Variants in FARSB observed in about 807,000 individuals in gnomAD.
FARSB encodes phenylalanyl-tRNA synthetase subunit beta.
FARSB carries 40 observed loss-of-function variants against 69.6 expected under a neutral mutation model. The ratio of observed to expected loss-of-function variants is 0.57; its 90% confidence interval spans 0.45 to 0.75. FARSB has a LOEUF of 0.75. Ranked by LOEUF, FARSB falls within the 30% of genes least tolerant of loss-of-function variation. The pLI is 0.00. For missense variants in FARSB, 632 were observed against 722.9 expected, an observed-to-expected ratio of 0.87 and a Z score of 1.44; for synonymous variants, 235 against 247.2, an observed-to-expected ratio of 0.95 and a Z score of 0.46.
rs1290503467 is a variant in FARSB, at chr2:222,566,903, T to G, written c.*4968A>C. ...AACAAAAGACTATAGGCTGGGTGGC[T>G]TCAATAAAAGAATTTTATTTCTCAC... On this transcript the variant is annotated 3_prime_UTR_variant, in exon 17 of 17. Coordinates refer to ENST00000281828, the MANE Select transcript of FARSB (RefSeq NM_005687.5). 1 of 152,234 alleles carries G rather than the reference T, an allele frequency of 6.6e-6. No individual in the cohort carries two copies. The highest frequency in any genetic ancestry group is 1.5e-5 in the Non-Finnish European group (1 of 68,056). The allele number at this position is 152,234 out of a possible 1,614,324, so 9.4% of individuals were successfully genotyped here. A position where few individuals can be genotyped will look rare whatever the true frequency, so the allele number is the denominator to read the frequency against.
chr2:222,611,148 C>T (rs773021340), intron 15 of FARSB, among the ~76,000 whole-genome samples: 1 of 152,088 alleles, frequency 6.6e-6, no homozygotes, highest in Admixed American at 6.5e-5. Context: ...CATTTACCTC[C>T]CTTCATTTCT....
chr2:222,608,384 T>C (rs1439016782), intron 15 of FARSB, among the ~76,000 whole-genome samples: 4 of 152,172 alleles, frequency 2.6e-5, no homozygotes, highest in Middle Eastern at 6.3e-3. Context: ...TTTTTAAGCA[T>C]AGAGTTACAC....
chr2:222,600,119 T>G, intron 15 of FARSB, 36 bp from the exon 16 acceptor site: 3 of 1,538,954 alleles, frequency 1.9e-6, no homozygotes, highest in Non-Finnish European at 1.7e-6. Flanking sequence ...AACGCTGTAT[T>G]AACCATTGCT....
chr2:222,634,612 T>C, intron 5 of FARSB, 71 bp from the exon 6 acceptor site: 1 of 1,223,820 alleles, frequency 8.2e-7, no homozygotes, highest in Non-Finnish European at 1.1e-6. Flanking sequence ...ATTTGAATAT[T>C]CTAAAGCCGA....
rs774298156 is a variant in FARSB at position 222,571,977 on chromosome 2, C to T, written c.1664G>A (p.Gly555Asp). The change falls in exon 17 of 17, where the codon GGT (glycine) becomes GAT (aspartate). Residue 555 changes from glycine to aspartate, a missense_variant. Transcript: ENST00000281828. ...PGRCAEIFAR[G>D]QSVGKLGVLH... The stretch of plus-strand genomic sequence containing the variant: ...GACCCCAAGCTTCCCGACGCTTTGA[C>T]CCCTGGCAAAGATCTCTGCACATCG... 6 of 1,613,984 alleles carry T rather than the reference C, an allele frequency of 3.7e-6. No homozygotes were observed. Among genetic ancestry groups the T allele is most frequent in the South Asian group, 2.2e-5 (2 of 91,064 alleles).
At chr2:222,593,716 CA>C (rs1358185084) in intron 16 of FARSB, among the ~76,000 whole-genome samples, 2 of 151,198 alleles carry the variant, frequency 1.3e-5, no homozygotes, top group East Asian at 3.9e-4. Context: ...CAAAACAAAA[CA>C]AAAATTAGCC....
intron 16 of FARSB, among the ~76,000 whole-genome samples, chr2:222,575,332 T>G (rs936647567): frequency 3.9e-5 from 6 of 152,220 alleles, no homozygotes; most frequent in Non-Finnish European, 2.9e-5. Flanking sequence ...AAGGCTAACC[T>G]TATAGCATCA....
chr2:222,624,106 A>C (rs1408642867), intron 12 of FARSB, among the ~76,000 whole-genome samples, 166 bp downstream of exon 12: 1 of 152,184 alleles, frequency 6.6e-6, no homozygotes, highest in Non-Finnish European at 1.5e-5. Context: ...AACTTACTCT[A>C]ATCATTTGGG....
intron 13 of FARSB, 135 bp from the exon 14 acceptor site, chr2:222,619,872 G>T (rs1310030385): frequency 3.8e-6 from 2 of 528,688 alleles, no homozygotes; most frequent in East Asian, 2.8e-5. Flanking sequence ...AATAGGCCTG[G>T]TGTGAGCTGA....
chr2:222,595,526 A>G (rs1157671639), intron 16 of FARSB, among the ~76,000 whole-genome samples: 3 of 152,210 alleles, frequency 2.0e-5, no homozygotes, highest in African/African-American at 7.2e-5. Flanking sequence ...TCATTTCACA[A>G]AATGTATTCT....
intron 5 of FARSB, among the ~76,000 whole-genome samples, chr2:222,636,435 C>T (rs1197153885): frequency 6.6e-6 from 1 of 150,426 alleles, no homozygotes; most frequent in African/African-American, 2.4e-5. Context: ...AGTCAACTTC[C>T]AGGACACCAC....
chr2:222,588,390 T>C (rs2106187167), intron 16 of FARSB, among the ~76,000 whole-genome samples: 1 of 152,134 alleles, frequency 6.6e-6, no homozygotes, highest in Non-Finnish European at 1.5e-5. Flanking sequence ...TATGACAAAC[T>C]CACAGCCAAT....
In FARSB at chr2:222,576,247, C is replaced by T. The variant is rs371960201; in HGVS notation, c.1619-4225G>A. On this transcript the variant is annotated intron_variant, in intron 16 of 16. Transcript: ENST00000281828. ...GCCCATCTGTAAAAAGTCATCTACTCATACAATTTTATTTTTCCTTTTTTT... is the reference window on the plus strand; with the variant it reads ...GCCCATCTGTAAAAAGTCATCTACTTATACAATTTTATTTTTCCTTTTTTT... Among the ~76,000 whole-genome samples the T allele has an allele frequency of 1.2e-4, 18 of 152,096 alleles. No homozygotes were observed. The East Asian group carries it at 1.5e-3, about 13-fold the overall frequency.
chr2:222,592,355 G>T (rs2106190835), intron 16 of FARSB, among the ~76,000 whole-genome samples: 1 of 152,220 alleles, frequency 6.6e-6, no homozygotes, highest in East Asian at 1.9e-4. Context: ...GCCACTTAGA[G>T]CGTTGACAGT....
intron 2 of FARSB, among the ~76,000 whole-genome samples, chr2:222,646,249 C>G (rs1439205162): frequency 1.3e-5 from 2 of 152,210 alleles, no homozygotes; most frequent in African/African-American, 4.8e-5. Context: ...TCCATTCAGG[C>G]ATGTCTTTAA....
At chr2:222,629,077 G>A (rs1691350100) in intron 9 of FARSB, among the ~76,000 whole-genome samples, 189 bp from the exon 10 acceptor site, 1 of 151,840 alleles carries the variant, frequency 6.6e-6, no homozygotes, top group South Asian at 2.1e-4. Flanking sequence ...CATCTCCTAG[G>A]GCTCCGATGT....
At chr2:222,628,604 G>C (rs552293173) in intron 10 of FARSB, among the ~76,000 whole-genome samples, 2 of 152,102 alleles carry the variant, frequency 1.3e-5, no homozygotes, top group Non-Finnish European at 2.9e-5. Context: ...AAAATAATAA[G>C]CAAGGTATTT....
At chr2:222,627,003 T>C (rs1321027370) in intron 10 of FARSB, among the ~76,000 whole-genome samples, 1 of 152,062 alleles carries the variant, frequency 6.6e-6, no homozygotes, top group East Asian at 1.9e-4. Context: ...GCCACTGCAC[T>C]CCAGCCTTGG....
At chr2:222,611,672 A>G (rs1243789178) in intron 15 of FARSB, among the ~76,000 whole-genome samples, 1 of 152,206 alleles carries the variant, frequency 6.6e-6, no homozygotes, top group Non-Finnish European at 1.5e-5. Context: ...AGCTCTCTCA[A>G]TAGGAAGTCA....
Sources: gnomAD v4.1 joint callset for allele counts (sites outside exome capture counted in the v4.1 genomes callset) on GRCh38, gnomAD v4.1.1 for gene constraint, MANE v1.5 for transcripts, NCBI Gene and HGNC (gene_info 2026-07-23, HGNC 2026-07-21) for gene names.